The following ERG variants were observed in gnomAD, a reference collection of about 807,000 sequenced individuals.
ERG encodes the protein transcriptional regulator ERG.
A neutral mutation model predicts 55.3 loss-of-function variants in ERG; 9 were observed. The ratio of observed to expected loss-of-function variants is 0.16; its 90% confidence interval spans 0.10 to 0.28. The LOEUF (loss-of-function observed/expected upper bound fraction) is 0.28. Ranked by LOEUF, ERG falls within the 10% of genes least tolerant of loss-of-function variation. The probability of loss-of-function intolerance (pLI) is 1.00; values close to 1 mark genes in which losing one functional copy is unlikely to be tolerated. For missense variants in ERG, 434 were observed against 631.6 expected, an observed-to-expected ratio of 0.69 and a Z score of 3.35; for synonymous variants, 223 against 237.3, an observed-to-expected ratio of 0.94 and a Z score of 0.55.
chr21:38,586,048 T>C (rs988188093), upstream of ERG, among the ~76,000 whole-genome samples: 2 of 151,938 alleles, frequency 1.3e-5, no homozygotes, highest in African/African-American at 4.8e-5. Flanking sequence ...ACAGTCATGG[T>C]CTTTGGCTTT....
At chr21:38,447,347 A>G (rs1170823975) in intron 1 of ERG, among the ~76,000 whole-genome samples, 3 of 151,768 alleles carry the variant, frequency 2.0e-5, no homozygotes, top group African/African-American at 7.3e-5. Context: ...ACACCCTGGG[A>G]AAGACTAAGC....
At chr21:38,498,893 TTC>T (rs1267217100), upstream of ERG, among the ~76,000 whole-genome samples, 1 of 152,204 alleles carries the variant, frequency 6.6e-6, no homozygotes, top group Non-Finnish European at 1.5e-5. This position sits in a 1 kb window ranked among gnomAD's most constrained non-coding sequence, Gnocchi z 4.6. Flanking sequence ...TTGAGCTCCT[TTC>T]TCCTAAAAGG....
At chr21:38,427,233 C>A (rs1238975343) in intron 2 of ERG, among the ~76,000 whole-genome samples, 2 of 152,090 alleles carry the variant, frequency 1.3e-5, no homozygotes, top group Non-Finnish European at 2.9e-5. Flanking sequence ...TGCCACCACG[C>A]CTGGCTGATT....
chr21:38,421,748 G>A (rs542301197), intron 3 of ERG, among the ~76,000 whole-genome samples: 8 of 152,338 alleles, frequency 5.3e-5, no homozygotes, highest in African/African-American at 1.9e-4. Context: ...AATATTCACT[G>A]AGCACCTCCC....
At chr21:38,599,740 A>G (rs1456247563) in intron 1 of ERG, among the ~76,000 whole-genome samples, 1 of 152,212 alleles carries the variant, frequency 6.6e-6, no homozygotes, top group African/African-American at 2.4e-5. Context: ...TAGACTGTTC[A>G]CTGTATCTAG....
intron 1 of ERG, chr21:38,660,658 C>G (rs990215560): frequency 6.6e-6 from 1 of 152,012 alleles, no homozygotes; most frequent in Non-Finnish European, 1.5e-5. Context: ...TCGGCGCCGA[C>G]GGGCTCAGCC....
At chr21:38,528,996 T>C (rs1379603830) in intron 2 of ERG, among the ~76,000 whole-genome samples, 1 of 152,078 alleles carries the variant, frequency 6.6e-6, no homozygotes, top group Non-Finnish European at 1.5e-5. Context: ...TAAATTATAT[T>C]ACAGGAGCAG....
the ERG span, among the ~76,000 whole-genome samples, chr21:38,370,611 T>C: frequency 6.6e-6 from 1 of 152,106 alleles, no homozygotes; most frequent in Non-Finnish European, 1.5e-5. Context: ...TGTGGTATTA[T>C]GTAGGGGTCC....
intron 2 of ERG, among the ~76,000 whole-genome samples, chr21:38,525,490 C>T (rs1356915538): frequency 3.3e-5 from 5 of 152,184 alleles, no homozygotes; most frequent in Non-Finnish European, 5.9e-5. Flanking sequence ...CAGAAGCACG[C>T]GCAAAGCTCT....
intron 1 of ERG, among the ~76,000 whole-genome samples, chr21:38,640,124 A>T (rs891252854): frequency 5.9e-5 from 9 of 152,248 alleles, no homozygotes; most frequent in Non-Finnish European, 1.3e-4. Context: ...CAATAAAAAA[A>T]TCATTGAAAA....
intron 2 of ERG, among the ~76,000 whole-genome samples, chr21:38,561,065 C>A (rs1310727644): frequency 6.6e-6 from 1 of 151,728 alleles, no homozygotes; most frequent in Non-Finnish European, 1.5e-5. Context: ...AGCCACATTT[C>A]TTCACATGGT....
Position 38,400,609 on chromosome 21 carries a change from T to A in ERG, c.710A>T (p.Tyr237Phe). 6.2e-7 allele frequency: 1 copy of A among 1,610,614 alleles called. No homozygotes were observed. The highest frequency in any genetic ancestry group is 8.5e-7 in the Non-Finnish European group (1 of 1,176,968). Residue 237 changes from tyrosine (Y) to phenylalanine (F), a missense_variant, in exon 6 of 10, where the codon TAT becomes TTT. By Grantham distance (22) the Tyr-to-Phe change is conservative. This residue lies in a region of ERG where 99 missense variants were observed against 145.6 expected (regional missense o/e 0.68). Coordinates refer to ENST00000288319, the MANE Select transcript of ERG (RefSeq NM_182918.4). ...AAFIFPNTSV[Y>F]PEATQRITTR... The stretch of plus-strand genomic sequence containing the variant: ...TGTAATTCTTTGCGTAGCTTCAGGA[T>A]ATACTGAAGTATTTGGGAAAATAAA...
intron 1 of ERG, among the ~76,000 whole-genome samples, chr21:38,486,124 G>A (rs1486354690): frequency 2.6e-5 from 4 of 151,376 alleles, no homozygotes; most frequent in South Asian, 2.1e-4. Context: ...TAGTAGAGAC[G>A]GGATTTCACT....
chr21:38,639,225 G>T (rs1210448227), intron 1 of ERG, among the ~76,000 whole-genome samples: 1 of 152,130 alleles, frequency 6.6e-6, no homozygotes, highest in Non-Finnish European at 1.5e-5. Context: ...GTTTCCTAGT[G>T]AATTATTCTG....
rs192444789 is a variant in ERG, at chr21:38,592,517, T to C, written c.-149-7572A>G. On this transcript the variant is annotated intron_variant, in intron 1 of 10. Transcript: ENST00000398910. Reference sequence around the variant, plus strand: ...TACTCCCACTTGAGCAATTTTGCTTTCTAAACCTGGTTAATAGCCCAAAAT... The same window carrying C: ...TACTCCCACTTGAGCAATTTTGCTTCCTAAACCTGGTTAATAGCCCAAAAT... 1.6e-3 allele frequency among the ~76,000 whole-genome samples: 241 copies of C among 152,228 alleles called. 1 individual carries two copies. The highest frequency in any genetic ancestry group is 4.5e-3 in the African/African-American group (186 of 41,522).
At chr21:38,441,260 T>C (rs2058838568) in intron 2 of ERG, among the ~76,000 whole-genome samples, 1 of 152,200 alleles carries the variant, frequency 6.6e-6, no homozygotes, top group Non-Finnish European at 1.5e-5. Flanking sequence ...ACCCAGTGAC[T>C]TAATCAAATG....
chr21:38,541,222 T>G (rs2059749995), intron 2 of ERG, among the ~76,000 whole-genome samples: 1 of 152,194 alleles, frequency 6.6e-6, no homozygotes, highest in African/African-American at 2.4e-5. Flanking sequence ...TGCTCTTCCA[T>G]GCCCATATGT....
chr21:38,435,180 A>G (rs1990392105), intron 2 of ERG, among the ~76,000 whole-genome samples: 1 of 152,178 alleles, frequency 6.6e-6, no homozygotes, highest in South Asian at 2.1e-4. Flanking sequence ...TCTGAATACA[A>G]ATAAATCCCT....
At chr21:38,402,727 A>C in intron 4 of ERG, 90 bp from the exon 5 acceptor site, 1 of 798,430 alleles carries the variant, frequency 1.3e-6, no homozygotes, top group Non-Finnish European at 1.9e-6. Flanking sequence ...AAAAAAAAAA[A>C]AAAAGAAAGA....
Sources: allele counts gnomAD v4.1 joint callset (sites outside exome capture counted in the v4.1 genomes callset), GRCh38; gene constraint gnomAD v4.1.1; regional missense constraint gnomAD v4.1.1; non-coding constraint Gnocchi (gnomAD v3.1); transcripts MANE v1.5; gene names NCBI Gene and HGNC (gene_info 2026-07-23, HGNC 2026-07-21).